ABCB11: variants seen among roughly 807,000 people sequenced by gnomAD.
ABCB11 encodes the protein bile salt export pump.
A neutral mutation model predicts 148.0 loss-of-function variants in ABCB11; 95 were observed. That is an observed-to-expected ratio of 0.64 (90% CI 0.54 to 0.76). The LOEUF is 0.76. Among genes scored for constraint, ABCB11 ranks in the 30% least tolerant of loss-of-function variants. The pLI is 0.00. For synonymous variants in ABCB11, 591 were observed against 555.4 expected (o/e 1.06, Z -0.90); for missense variants, 1,523 against 1,617.8 (o/e 0.94, Z 1.01).
intron 9 of ABCB11, among the ~76,000 whole-genome samples, chr2:168,990,307 A>C (rs1376192335): frequency 6.6e-6 from 1 of 151,904 alleles, no homozygotes; most frequent in African/African-American, 2.4e-5. Flanking sequence ...GTTCAGATTT[A>C]TTTCTCTTTA....
At chr2:168,918,873 C>G (rs1690996366), downstream of ABCB11, among the ~76,000 whole-genome samples, 1 of 152,086 alleles carries the variant, frequency 6.6e-6, no homozygotes, top group Non-Finnish European at 1.5e-5. Flanking sequence ...GTTTCAGTAT[C>G]TATTGTTTTA....
chr2:169,007,309 T>A (rs1040394734), intron 5 of ABCB11, among the ~76,000 whole-genome samples: 1 of 152,166 alleles, frequency 6.6e-6, no homozygotes, highest in Non-Finnish European at 1.5e-5. Context: ...CAGATAGGAA[T>A]CAATTTGGAC....
At chr2:168,945,395 T>C (rs853788) in intron 19 of ABCB11, among the ~76,000 whole-genome samples, 79,393 of 151,750 alleles carry the variant, frequency 0.52, 21,346 homozygotes, top group South Asian at 0.66. Context: ...GCGGAAAACC[T>C]GGTGAATGAA....
intron 6 of ABCB11, among the ~76,000 whole-genome samples, chr2:168,995,755 C>T (rs1694692990): frequency 6.6e-6 from 1 of 151,796 alleles, no homozygotes; most frequent in African/African-American, 2.4e-5. Context: ...CCCTACAGAG[C>T]TTCACTTTCC....
intron 1 of ABCB11, among the ~76,000 whole-genome samples, chr2:169,026,611 T>C (rs1022413899): frequency 2.0e-5 from 3 of 152,208 alleles, no homozygotes; most frequent in Admixed American, 6.5e-5. Flanking sequence ...GAATTGAATA[T>C]TAGATGAATT....
intron 11 of ABCB11, 98 bp from the exon 12 acceptor site, chr2:168,976,785 T>G: frequency 2.8e-6 from 2 of 705,770 alleles, no homozygotes; most frequent in Non-Finnish European, 5.0e-6. Flanking sequence ...GGCGTATCTC[T>G]GCAATGTTTT....
rs1213411956 is a variant in ABCB11, at chr2:168,922,558, A to T, written c.*1064T>A. ...AACAGGATGTTTCTAGGCTCCCCCA[A>T]CTAACAGGTTACATTTTTGTTTTCT... is the stretch of plus-strand genomic sequence containing the variant. On this transcript the variant is annotated 3_prime_UTR_variant, in exon 28 of 28. Coordinates refer to ENST00000650372, the MANE Select transcript of ABCB11 (RefSeq NM_003742.4). 6.6e-6 allele frequency among the ~76,000 whole-genome samples: 1 copy of T among 152,148 alleles called. No individual in the cohort carries two copies. Among genetic ancestry groups the T allele is most frequent in the Admixed American group, 6.5e-5 (1 of 15,274 alleles).
intron 10 of ABCB11, among the ~76,000 whole-genome samples, chr2:168,981,144 C>T (rs1217621005): frequency 6.6e-6 from 1 of 152,152 alleles, no homozygotes; most frequent in Non-Finnish European, 1.5e-5. Flanking sequence ...CTGAGTCTCT[C>T]CTGCTTCTCT....
intron 17 of ABCB11, among the ~76,000 whole-genome samples, chr2:168,964,848 T>C (rs910064156): frequency 6.6e-6 from 1 of 151,852 alleles, no homozygotes; most frequent in African/African-American, 2.4e-5. Flanking sequence ...CTTGTTGAAA[T>C]ATAATTTAGC....
In ABCB11 at chr2:168,993,819, G is replaced by C. The variant is rs375436478; in HGVS notation, c.675C>G (p.Thr225=). ...DQMALFIQRM[T]STICGFLLGF... ...CCAACAGGAAACCACAGATGGTCGA[G>C]GTCATGCGCTGAATGAAAAGGGCCA... Residue 225 remains threonine (T), a synonymous_variant, in exon 8 of 28, where the codon ACC becomes ACG. Coordinates refer to ENST00000650372, the MANE Select transcript of ABCB11 (RefSeq NM_003742.4). 5.0e-6 allele frequency: 8 copies of C among 1,611,612 alleles called. No individual in the cohort carries two copies. The highest frequency in any genetic ancestry group is 6.8e-6 in the Non-Finnish European group (8 of 1,178,666).
chr2:168,985,321 T>A (rs888974503), intron 10 of ABCB11, among the ~76,000 whole-genome samples: 1 of 152,120 alleles, frequency 6.6e-6, no homozygotes, highest in Non-Finnish European at 1.5e-5. Flanking sequence ...GTACAACAAC[T>A]ATGGAAAACA....
At chr2:168,979,765 C>G in intron 11 of ABCB11, 101 bp downstream of exon 11, 1 of 506,816 alleles carries the variant, frequency 2.0e-6, no homozygotes, top group Non-Finnish European at 3.4e-6. Context: ...GCGATAGCTT[C>G]TTATATTTTT....
At chr2:168,990,357 G>C (rs963479998) in intron 9 of ABCB11, among the ~76,000 whole-genome samples, 1 of 151,922 alleles carries the variant, frequency 6.6e-6, no homozygotes, top group Non-Finnish European at 1.5e-5. Context: ...TATTTTTATA[G>C]GAATTTATCC....
At chr2:168,976,029 A>T (rs528352733) in intron 12 of ABCB11, among the ~76,000 whole-genome samples, 11 of 152,174 alleles carry the variant, frequency 7.2e-5, no homozygotes, top group Non-Finnish European at 1.6e-4. Context: ...AAAGGCAGGA[A>T]ATAATTTTTT....
chr2:169,018,275 A>G (rs376399161), intron 1 of ABCB11, 123 bp from the exon 2 acceptor site: 1 of 862,350 alleles, frequency 1.2e-6, no homozygotes. Context: ...CTCAGACAAA[A>G]GTTTTAAAAT....
chr2:168,992,851 A>G (rs1694579862), intron 8 of ABCB11, among the ~76,000 whole-genome samples: 1 of 152,094 alleles, frequency 6.6e-6, no homozygotes, highest in African/African-American at 2.4e-5. Flanking sequence ...GCTATTGAGC[A>G]ATAGGAAGTT....
At chr2:168,920,271 T>C (rs1343652962), downstream of ABCB11, among the ~76,000 whole-genome samples, 1 of 152,170 alleles carries the variant, frequency 6.6e-6, no homozygotes, top group African/African-American at 2.4e-5. Flanking sequence ...TGTGCCCAAA[T>C]AGGATTTTTA....
At chr2:168,938,064 G>A (rs1191944596) in intron 21 of ABCB11, among the ~76,000 whole-genome samples, 2 of 152,156 alleles carry the variant, frequency 1.3e-5, no homozygotes, top group Non-Finnish European at 2.9e-5. Context: ...ACGACAAAAG[G>A]TAACCTGTTA....
chr2:168,947,536 T>A (rs1164213242), intron 19 of ABCB11, among the ~76,000 whole-genome samples: 2 of 151,732 alleles, frequency 1.3e-5, no homozygotes, highest in African/African-American at 4.8e-5. Flanking sequence ...ATTCCCACAG[T>A]GTGGTCTCAA....
Sources: gnomAD v4.1 joint callset for allele counts (sites outside exome capture counted in the v4.1 genomes callset) on GRCh38, gnomAD v4.1.1 for gene constraint, MANE v1.5 for transcripts, NCBI Gene and HGNC (gene_info 2026-07-23, HGNC 2026-07-21) for gene names.